The following GRID2 variants were observed in gnomAD, a reference collection of about 807,000 sequenced individuals.
GRID2 encodes glutamate ionotropic receptor delta type subunit 2.
In GRID2, 33 loss-of-function variants were observed where a neutral mutation model predicts 114.8. That is an observed-to-expected ratio of 0.29 (90% CI 0.22 to 0.38). The LOEUF is 0.38. GRID2 is among the 10% of genes least tolerant of loss of function. The pLI is 1.00. For missense variants in GRID2, 1,184 were observed against 1,257.7 expected, an observed-to-expected ratio of 0.94 and a Z score of 0.89; for synonymous variants, 505 against 449.9, an observed-to-expected ratio of 1.12 and a Z score of -1.55.
chr4:92,363,056 A>C (rs1037772780), intron 1 of GRID2, among the ~76,000 whole-genome samples: 8 of 152,058 alleles, frequency 5.3e-5, no homozygotes, highest in African/African-American at 1.9e-4. Flanking sequence ...TTACACTGTT[A>C]AGTGAATATA....
At chr4:93,553,513 T>C (rs1733992383) in intron 13 of GRID2, among the ~76,000 whole-genome samples, 3 of 152,218 alleles carry the variant, frequency 2.0e-5, no homozygotes, top group Admixed American at 2.0e-4. Flanking sequence ...TAAACTTGCC[T>C]GCTACATTTT....
At chr4:92,532,640 CGTT>C (rs1725409769) in intron 1 of GRID2, among the ~76,000 whole-genome samples, 1 of 151,984 alleles carries the variant, frequency 6.6e-6, no homozygotes, top group Non-Finnish European at 1.5e-5. Flanking sequence ...TAACCAATAA[CGTT>C]GTCATACGAA....
chr4:92,818,729 G>A (rs182934776), intron 2 of GRID2, among the ~76,000 whole-genome samples: 271 of 152,174 alleles, frequency 1.8e-3, no homozygotes, highest in African/African-American at 5.0e-3. Flanking sequence ...CATACTTCAT[G>A]TCTCTTCTGG....
At chr4:92,384,464 ATATATATATATATATT>A (rs1468022595) in intron 1 of GRID2, among the ~76,000 whole-genome samples, 58 of 45,236 alleles carry the variant, frequency 1.3e-3, no homozygotes, top group African/African-American at 5.2e-3. Context: ...ATATATATAT[ATATATATATATATATT>A]ATTTATATAT....
chr4:92,897,036 C>G (rs1160511888), intron 2 of GRID2, among the ~76,000 whole-genome samples: 1 of 152,008 alleles, frequency 6.6e-6, no homozygotes, highest in Non-Finnish European at 1.5e-5. Flanking sequence ...ACCACCGCGC[C>G]CAGCCCAAAC....
intron 3 of GRID2, 76 bp from the exon 4 acceptor site, chr4:93,110,672 A>G: frequency 1.1e-6 from 1 of 929,774 alleles, no homozygotes; most frequent in Non-Finnish European, 1.8e-6. Flanking sequence ...ATCTATTCTG[A>G]TATAGGTGAA....
chr4:92,631,580 G>A (rs1191264113), intron 2 of GRID2, among the ~76,000 whole-genome samples: 2 of 151,972 alleles, frequency 1.3e-5, no homozygotes, highest in Non-Finnish European at 2.9e-5. Context: ...TAGAAATCCT[G>A]TAATTGTGAT....
At chr4:92,786,696 AAAAG>A (rs1034293465) in intron 2 of GRID2, among the ~76,000 whole-genome samples, 22 of 152,046 alleles carry the variant, frequency 1.4e-4, no homozygotes, top group Middle Eastern at 3.4e-3. Context: ...TGGCAAAACA[AAAAG>A]AAAAGCTGTC....
chr4:93,239,364 T>C (rs979436733), intron 8 of GRID2, among the ~76,000 whole-genome samples: 2 of 140,730 alleles, frequency 1.4e-5, no homozygotes, highest in Non-Finnish European at 3.1e-5. Flanking sequence ...TATCTATCTA[T>C]CTATCTATAT....
chr4:93,389,105 G>T (rs892715752), intron 8 of GRID2, among the ~76,000 whole-genome samples: 2 of 152,222 alleles, frequency 1.3e-5, no homozygotes, highest in Admixed American at 6.5e-5. Context: ...CATGGTAAAA[G>T]GCACTGTAAT....
At chr4:92,889,387 A>G (rs781170466) in intron 2 of GRID2, among the ~76,000 whole-genome samples, 36 of 152,276 alleles carry the variant, frequency 2.4e-4, no homozygotes, top group Admixed American at 1.5e-3. Context: ...GTCTCAGCCC[A>G]GAAACTCCTT....
chr4:92,357,875 CTGATCACAAATAACA>C (rs779171567), intron 1 of GRID2, among the ~76,000 whole-genome samples: 3 of 151,774 alleles, frequency 2.0e-5, no homozygotes, highest in Non-Finnish European at 4.4e-5. Flanking sequence ...TAAGACAGGG[CTGATCACAAATAACA>C]TGATCACAAA....
At chr4:93,436,011 G>A (rs112279555) in intron 10 of GRID2, among the ~76,000 whole-genome samples, 4 of 146,818 alleles carry the variant, frequency 2.7e-5, no homozygotes, top group African/African-American at 7.6e-5. Context: ...TCTTAAAAAA[G>A]GTATTCTCTA....
chr4:93,299,778 T>C (rs1175712295), intron 8 of GRID2, among the ~76,000 whole-genome samples: 1 of 152,162 alleles, frequency 6.6e-6, no homozygotes, highest in Non-Finnish European at 1.5e-5. Context: ...TTTTAAATCA[T>C]TGAATTATTT....
At chr4:92,408,567 G>A (rs1731145604) in intron 1 of GRID2, among the ~76,000 whole-genome samples, 1 of 149,580 alleles carries the variant, frequency 6.7e-6, no homozygotes, top group Non-Finnish European at 1.5e-5. Context: ...ATTGCTTTGG[G>A]CAGTATGGCC....
chr4:92,902,921 T>C (rs1747683130), intron 2 of GRID2, among the ~76,000 whole-genome samples: 1 of 152,024 alleles, frequency 6.6e-6, no homozygotes, highest in Admixed American at 6.6e-5. Flanking sequence ...TATGTGTTGA[T>C]TTTTATACCA....
chr4:93,432,548 G>A (rs1237138549), intron 10 of GRID2, among the ~76,000 whole-genome samples: 1 of 152,150 alleles, frequency 6.6e-6, no homozygotes, highest in Non-Finnish European at 1.5e-5. Context: ...TCATGGCAGA[G>A]TGTTAGAGAA....
intron 8 of GRID2, among the ~76,000 whole-genome samples, chr4:93,240,758 GT>G (rs879317232): frequency 1.5e-4 from 23 of 149,134 alleles, no homozygotes; most frequent in Non-Finnish European, 2.4e-4. Context: ...CTATCTAGAA[GT>G]TTTTTTTTTA....
chr4:93,031,202 C>T (rs1222720204), intron 2 of GRID2, among the ~76,000 whole-genome samples: 4 of 151,826 alleles, frequency 2.6e-5, no homozygotes, highest in Non-Finnish European at 5.9e-5. Context: ...CCTGCCACCA[C>T]GCCCAGCTAA....
Sources: allele counts gnomAD v4.1 joint callset (sites outside exome capture counted in the v4.1 genomes callset), GRCh38; gene constraint gnomAD v4.1.1; transcripts MANE v1.5; gene names NCBI Gene and HGNC (gene_info 2026-07-23, HGNC 2026-07-21).